ASTN2: variants seen among roughly 807,000 people sequenced by gnomAD.
ASTN2 encodes the protein astrotactin 2.
ASTN2 carries 54 observed loss-of-function variants against 139.8 expected under a neutral mutation model. That is an observed-to-expected ratio of 0.39 (90% CI 0.31 to 0.48). The LOEUF is 0.48. Ranked by LOEUF, ASTN2 falls within the 20% of genes least tolerant of loss-of-function variation. The pLI, the probability that ASTN2 is intolerant of heterozygous loss-of-function variation, is 0.95. For missense variants in ASTN2, 1,565 were observed against 1,725.1 expected, an observed-to-expected ratio of 0.91 and a Z score of 1.64; for synonymous variants, 756 against 719.5, an observed-to-expected ratio of 1.05 and a Z score of -0.81.
chr9:116,507,438 T>C (rs1486836202), intron 19 of ASTN2, among the ~76,000 whole-genome samples: 1 of 152,172 alleles, frequency 6.6e-6, no homozygotes, highest in Non-Finnish European at 1.5e-5. Context: ...CCAGACTTTC[T>C]ACTGAACTAG....
At chr9:116,752,932 A>G (rs1829436322) in intron 13 of ASTN2, among the ~76,000 whole-genome samples, 1 of 152,252 alleles carries the variant, frequency 6.6e-6, no homozygotes, top group Non-Finnish European at 1.5e-5. Context: ...AAAATGGTAC[A>G]GCCACTTTGG....
chr9:117,378,238 G>A (rs1241293845), intron 1 of ASTN2, among the ~76,000 whole-genome samples: 5 of 152,216 alleles, frequency 3.3e-5, no homozygotes, highest in African/African-American at 1.2e-4. Context: ...TAACATCACA[G>A]AGTGGGGTCA....
chr9:117,149,362 A>G (rs1830275573), intron 3 of ASTN2, among the ~76,000 whole-genome samples: 1 of 152,132 alleles, frequency 6.6e-6, no homozygotes, highest in Non-Finnish European at 1.5e-5. Context: ...TAGACAGATG[A>G]AAGGAAATAG....
rs1293853087 is a variant in ASTN2 at position 117,085,838 on chromosome 9, T to C, written c.1276+10206A>G. Among the ~76,000 whole-genome samples, 3 of 152,208 alleles carry C rather than the reference T, an allele frequency of 2.0e-5. No homozygotes were observed. In the East Asian group the frequency reaches 5.8e-4, roughly 29 times the overall value. On this transcript the variant is annotated intron_variant, in intron 5 of 22. Coordinates refer to ENST00000313400, the MANE Select transcript of ASTN2 (RefSeq NM_001365068.1). ...GTATATACCTTGTGTCAGGCACTGTTGTATGCACTTTACATGATTTATCTC... is the reference window on the plus strand; with the variant it reads ...GTATATACCTTGTGTCAGGCACTGTCGTATGCACTTTACATGATTTATCTC...
chr9:117,320,789 C>G (rs868621940), intron 1 of ASTN2, among the ~76,000 whole-genome samples: 47 of 152,160 alleles, frequency 3.1e-4, no homozygotes, highest in African/African-American at 8.7e-4. Context: ...CCCAAACTCC[C>G]CGTAACTGCC....
At position 116,825,756 on chromosome 9, in the gene ASTN2, G is replaced by A. The variant is rs569616324; in HGVS notation, c.2041-4973C>T. Among the ~76,000 whole-genome samples the A allele has an allele frequency of 4.6e-5, 7 of 152,310 alleles. No homozygotes were observed. In the South Asian group the frequency reaches 1.2e-3, roughly 27 times the overall value. ...TGTGAGAGAAACTCTCAACCTACTG[G>A]GGCCTTTGGCCTGACATACGAAGTG... is the stretch of plus-strand genomic sequence containing the variant. On this transcript the variant is annotated intron_variant, in intron 11 of 22. Transcript: ENST00000313400.
At position 116,896,662 on chromosome 9, in the gene ASTN2, G is replaced by T. The variant is rs570250214; in HGVS notation, c.1890-32929C>A. On this transcript the variant is annotated intron_variant, in intron 10 of 22. Coordinates refer to ENST00000313400, the MANE Select transcript of ASTN2 (RefSeq NM_001365068.1). ...AAAAAAGAGGTTTAATTGACTCACA[G>T]TTCCACATGGCTGGGGAGGTCTTGG... Among the ~76,000 whole-genome samples, 5 of 152,318 alleles carry T rather than the reference G, an allele frequency of 3.3e-5. No homozygotes were observed. The South Asian group carries it at 1.0e-3, about 32-fold the overall frequency.
intron 7 of ASTN2, among the ~76,000 whole-genome samples, chr9:116,997,151 C>T (rs1837048252): frequency 6.6e-6 from 1 of 152,028 alleles, no homozygotes; most frequent in Non-Finnish European, 1.5e-5. Flanking sequence ...CTGGCAAGTT[C>T]CCAATAAGAA....
chr9:116,761,876 G>A (rs966820122), intron 13 of ASTN2, among the ~76,000 whole-genome samples: 9 of 152,206 alleles, frequency 5.9e-5, no homozygotes, highest in African/African-American at 2.2e-4. Context: ...AATTCAGGAT[G>A]AAGAAGAGCA....
chr9:117,199,493 G>A (rs1169664511), intron 3 of ASTN2, among the ~76,000 whole-genome samples: 1 of 152,070 alleles, frequency 6.6e-6, no homozygotes, highest in East Asian at 1.9e-4. Context: ...GTCTGTTTTG[G>A]TATCAGTACC....
At chr9:117,101,819 G>C (rs552639812) in intron 4 of ASTN2, among the ~76,000 whole-genome samples, 1 of 152,264 alleles carries the variant, frequency 6.6e-6, no homozygotes, top group African/African-American at 2.4e-5. Context: ...AATGCAAACC[G>C]AAACCATAGA....
At position 117,282,742 on chromosome 9, in the gene ASTN2, C is replaced by A. The variant is rs1396602346; in HGVS notation, c.630+8584G>T. On this transcript the variant is annotated intron_variant, in intron 2 of 22. Transcript: ENST00000313400. ...GAAAACCAAATGTTTCAAACTGGGG[C>A]TCCCCTTCAGCCAAAGTACCAGAAG... 2.0e-5 allele frequency among the ~76,000 whole-genome samples: 3 copies of A among 148,468 alleles called. No homozygotes were observed. The South Asian group carries it at 6.2e-4, about 31-fold the overall frequency.
chr9:117,128,595 G>T (rs1016807707), intron 4 of ASTN2, among the ~76,000 whole-genome samples: 3 of 152,112 alleles, frequency 2.0e-5, no homozygotes, highest in African/African-American at 7.2e-5. Context: ...GAGTGGGTTT[G>T]TATCAGAAAG....
chr9:117,384,649 G>A (rs1189458950), intron 1 of ASTN2, among the ~76,000 whole-genome samples: 1 of 152,210 alleles, frequency 6.6e-6, no homozygotes, highest in Non-Finnish European at 1.5e-5. Context: ...TGAGAGGGTT[G>A]ACTGTGACAA....
At position 116,620,428 on chromosome 9, in the gene ASTN2, G is replaced by A; in HGVS notation, c.3088C>T (p.Leu1030=). 6.2e-7 allele frequency: 1 copy of A among 1,614,140 alleles called. No homozygotes were observed. Among genetic ancestry groups the A allele is most frequent in the East Asian group, 2.2e-5 (1 of 44,886 alleles). ...CCTGAGCACCAGTAGGAACTCATCAGTGCACTCTTGAAGGCCTGGACAAAA... is the reference window on the plus strand; with the variant it reads ...CCTGAGCACCAGTAGGAACTCATCAATGCACTCTTGAAGGCCTGGACAAAA... ...NGTKEAFKSA[L]MSSYWCSGKG... The change falls in exon 18 of 23, where the codon CTG becomes TTG. Residue 1030 remains leucine (L), a synonymous_variant. Coordinates refer to ENST00000313400, the MANE Select transcript of ASTN2 (RefSeq NM_001365068.1).
intron 2 of ASTN2, among the ~76,000 whole-genome samples, chr9:117,279,218 A>C (rs1834267117): frequency 6.6e-6 from 1 of 152,184 alleles, no homozygotes; most frequent in Non-Finnish European, 1.5e-5. Flanking sequence ...GTCCTTATCC[A>C]TCCTTGCCCC....
chr9:117,053,598 C>A (rs1192577933), intron 5 of ASTN2, among the ~76,000 whole-genome samples: 4 of 152,132 alleles, frequency 2.6e-5, no homozygotes, highest in African/African-American at 9.7e-5. Context: ...TCTGTTTCAC[C>A]CCAGCAACAT....
chr9:116,905,331 A>G (rs1049384962), intron 10 of ASTN2, among the ~76,000 whole-genome samples: 6 of 152,292 alleles, frequency 3.9e-5, no homozygotes, highest in African/African-American at 1.4e-4. Flanking sequence ...TTAGCACTTT[A>G]CCAAGACATG....
At chr9:116,562,653 A>C (rs55920375) in intron 19 of ASTN2, among the ~76,000 whole-genome samples, 23,610 of 149,588 alleles carry the variant, frequency 0.16, 2,033 homozygotes, top group African/African-American at 0.21. Context: ...ATTGCTTGAA[A>C]CTGGGAGGCA....
Sources: allele counts gnomAD v4.1 joint callset (sites outside exome capture counted in the v4.1 genomes callset), GRCh38; gene constraint gnomAD v4.1.1; transcripts MANE v1.5; gene names NCBI Gene and HGNC (gene_info 2026-07-23, HGNC 2026-07-21).